ERC1: variants seen among roughly 807,000 people sequenced by gnomAD.
ERC1 encodes RAB6 interacting protein 2.
Under a neutral mutation model 132.0 loss-of-function variants are expected in ERC1, and 56 were observed. The observed-to-expected ratio is 0.42, with a 90% confidence interval of 0.34 to 0.53. ERC1 has a LOEUF of 0.53. Ranked by LOEUF, ERC1 falls within the 20% of genes least tolerant of loss-of-function variation. ERC1 has a pLI of 0.03. For missense variants in ERC1, 1,202 were observed against 1,349.9 expected, an observed-to-expected ratio of 0.89 and a Z score of 1.72; for synonymous variants, 478 against 476.1, an observed-to-expected ratio of 1.00 and a Z score of -0.05.
chr12:1,445,759 G>T (rs560677431), intron 18 of ERC1, among the ~76,000 whole-genome samples: 1 of 152,218 alleles, frequency 6.6e-6, no homozygotes, highest in African/African-American at 2.4e-5. Flanking sequence ...TAAGGGAGAA[G>T]GCTAAGGACG....
intron 12 of ERC1, among the ~76,000 whole-genome samples, chr12:1,219,648 T>TTTTTTC (rs1958780333): frequency 6.6e-6 from 1 of 151,456 alleles, no homozygotes; most frequent in Admixed American, 6.6e-5. Flanking sequence ...TTTTTTTTTT[T>TTTTTTC]CTTTTTTGAG....
chr12:1,095,663 A>C (rs1318672197), intron 3 of ERC1, among the ~76,000 whole-genome samples: 1 of 152,170 alleles, frequency 6.6e-6, no homozygotes, highest in East Asian at 1.9e-4. Context: ...AGCATATTCT[A>C]CTTCTTACAC....
intron 15 of ERC1, among the ~76,000 whole-genome samples, chr12:1,316,616 C>A (rs112553558): frequency 6.6e-6 from 1 of 152,042 alleles, no homozygotes; most frequent in African/African-American, 2.4e-5. Flanking sequence ...AAAATAGGAA[C>A]GCTTTTATAC....
chr12:1,275,349 G>A (rs1259090621), intron 14 of ERC1, among the ~76,000 whole-genome samples: 20 of 152,054 alleles, frequency 1.3e-4, no homozygotes, highest in Admixed American at 5.2e-4. Context: ...TTAGCTGGGC[G>A]TGGTGGTGCA....
chr12:1,109,424 C>G (rs1489958057), intron 4 of ERC1, among the ~76,000 whole-genome samples: 1 of 152,130 alleles, frequency 6.6e-6, no homozygotes, highest in Non-Finnish European at 1.5e-5. Flanking sequence ...GTACACGTTA[C>G]TGTATAAATC....
At chr12:1,015,711 AT>A (rs1414908452) in intron 1 of ERC1, among the ~76,000 whole-genome samples, 1 of 152,184 alleles carries the variant, frequency 6.6e-6, no homozygotes, top group Non-Finnish European at 1.5e-5. Flanking sequence ...ATAGCAGCAT[AT>A]TTCTCGTCCC....
At chr12:993,561 G>C (rs1210198131) in intron 1 of ERC1, among the ~76,000 whole-genome samples, 9 of 152,140 alleles carry the variant, frequency 5.9e-5, no homozygotes. Flanking sequence ...CTGTGTCATA[G>C]ATAAGTATGC....
At chr12:1,155,693 G>T (rs541837007) in intron 8 of ERC1, among the ~76,000 whole-genome samples, 40 of 152,122 alleles carry the variant, frequency 2.6e-4, no homozygotes, top group African/African-American at 8.7e-4. Flanking sequence ...AGGTGGTCTC[G>T]ATTTCCTGAC....
chr12:1,399,908 A>G (rs2090875413), intron 16 of ERC1, among the ~76,000 whole-genome samples: 1 of 152,172 alleles, frequency 6.6e-6, no homozygotes, highest in African/African-American at 2.4e-5. Context: ...TATACCTAGG[A>G]TTGGAATTGC....
chr12:1,402,366 C>T lies in ERC1; in HGVS notation c.2926-5783C>T, dbSNP rs1423439755. ...CCAACATGATGAAACCCCGTCTCTA[C>T]TAAAAATACAAAAGTTAGCTGGGCA... is the stretch of plus-strand genomic sequence containing the variant. On this transcript the variant is annotated intron_variant, in intron 16 of 18. Coordinates refer to ENST00000360905, the MANE Select transcript of ERC1 (RefSeq NM_178040.4). 3.3e-5 allele frequency among the ~76,000 whole-genome samples: 5 copies of T among 152,140 alleles called. No homozygotes were observed. The East Asian group carries it at 9.7e-4, about 29-fold the overall frequency.
chr12:1,310,156 T>C (rs2081194484), intron 15 of ERC1, among the ~76,000 whole-genome samples: 1 of 152,026 alleles, frequency 6.6e-6, no homozygotes, highest in African/African-American at 2.4e-5. Flanking sequence ...ACCGTGTTAG[T>C]GCTGAGGGGA....
chr12:1,418,641 T>C (rs10160964), intron 17 of ERC1, among the ~76,000 whole-genome samples: 17,031 of 77,930 alleles, frequency 0.22, 2,565 homozygotes, highest in African/African-American at 0.45. Flanking sequence ...CTTTCTTTCT[T>C]TCTCTCTCTC....
intron 13 of ERC1, among the ~76,000 whole-genome samples, chr12:1,239,882 C>T (rs1378540168): frequency 1.3e-5 from 2 of 152,198 alleles, no homozygotes; most frequent in Admixed American, 1.3e-4. Flanking sequence ...TTGCTGTCTC[C>T]TGTCCCTAGG....
At chr12:1,058,444 A>AG (rs1309083699) in intron 2 of ERC1, among the ~76,000 whole-genome samples, 1 of 152,226 alleles carries the variant, frequency 6.6e-6, no homozygotes, top group Non-Finnish European at 1.5e-5. Flanking sequence ...TATCTATTGA[A>AG]GAGGGCGTCC....
chr12:1,355,499 T>A (rs921397711), intron 15 of ERC1, among the ~76,000 whole-genome samples: 4 of 152,258 alleles, frequency 2.6e-5, no homozygotes, highest in African/African-American at 9.6e-5. Flanking sequence ...AGTGCTGTTA[T>A]GACCAGTGTT....
chr12:1,107,623 A>G (rs1330729434), intron 4 of ERC1, among the ~76,000 whole-genome samples: 1 of 152,152 alleles, frequency 6.6e-6, no homozygotes, highest in East Asian at 1.9e-4. Context: ...TGACATTGCA[A>G]TCCTCGGATT....
chr12:1,246,944 T>C (rs572182605), intron 13 of ERC1, among the ~76,000 whole-genome samples: 78 of 152,314 alleles, frequency 5.1e-4, no homozygotes, highest in African/African-American at 1.6e-3. Context: ...TGTGGGATCT[T>C]GGATTAAAGC....
intron 1 of ERC1, among the ~76,000 whole-genome samples, chr12:1,002,759 C>G (rs1328051075): frequency 1.3e-5 from 2 of 152,082 alleles, no homozygotes. Flanking sequence ...ATCTGCATTT[C>G]ACTTATTACT....
chr12:1,399,424 A>G (rs982819285), intron 16 of ERC1, among the ~76,000 whole-genome samples: 3 of 152,104 alleles, frequency 2.0e-5, no homozygotes, highest in African/African-American at 4.8e-5. Flanking sequence ...TCACTACAAT[A>G]CCCTATTTTT....
Sources: allele counts gnomAD v4.1 joint callset (sites outside exome capture counted in the v4.1 genomes callset), GRCh38; gene constraint gnomAD v4.1.1; transcripts MANE v1.5; gene names NCBI Gene and HGNC (gene_info 2026-07-23, HGNC 2026-07-21).